The following CHST11 variants were observed in gnomAD, a reference collection of about 807,000 sequenced individuals.
The protein encoded by CHST11 is carbohydrate sulfotransferase 11.
CHST11 carries 9 observed loss-of-function variants against 30.4 expected under a neutral mutation model. The observed-to-expected ratio is 0.30, with a 90% confidence interval of 0.18 to 0.52. The LOEUF (loss-of-function observed/expected upper bound fraction) is 0.52, where lower values mean the gene tolerates loss of function less well. CHST11 is among the 20% of genes least tolerant of loss of function. The pLI is 0.97. For synonymous variants in CHST11, 152 were observed against 187.8 expected, an observed-to-expected ratio of 0.81 and a Z score of 1.56; for missense variants, 348 against 460.6, an observed-to-expected ratio of 0.76 and a Z score of 2.24.
At chr12:104,751,332 A>G (rs996007887) in intron 2 of CHST11, among the ~76,000 whole-genome samples, 8 of 152,330 alleles carry the variant, frequency 5.3e-5, no homozygotes, top group African/African-American at 1.9e-4. Context: ...AGTGATTCAA[A>G]TGGCAGAATT....
intron 1 of CHST11, among the ~76,000 whole-genome samples, chr12:104,571,903 A>C (rs919605813): frequency 2.0e-5 from 3 of 152,154 alleles, no homozygotes; most frequent in Admixed American, 1.3e-4. Flanking sequence ...TACCTAGTTT[A>C]TTGAGAGTTT....
chr12:104,641,101 C>T (rs1349162784), intron 2 of CHST11, among the ~76,000 whole-genome samples: 2 of 152,166 alleles, frequency 1.3e-5, no homozygotes, highest in Admixed American at 1.3e-4. Context: ...GACCACTGGA[C>T]TCCAGGGGAA....
chr12:104,537,722 G>A, intron 1 of CHST11, among the ~76,000 whole-genome samples: 1 of 86,916 alleles, frequency 1.2e-5, no homozygotes, highest in African/African-American at 3.8e-5. Flanking sequence ...TGGAGACAGG[G>A]TCTCACTCTG....
intron 2 of CHST11, among the ~76,000 whole-genome samples, chr12:104,679,063 T>C (rs2039769065): frequency 6.6e-6 from 1 of 152,148 alleles, no homozygotes; most frequent in Non-Finnish European, 1.5e-5. Context: ...CAGTAGACAT[T>C]AGCTGAATGA....
At chr12:104,573,864 T>C (rs1321987522) in intron 1 of CHST11, among the ~76,000 whole-genome samples, 1 of 152,150 alleles carries the variant, frequency 6.6e-6, no homozygotes, top group African/African-American at 2.4e-5. Flanking sequence ...ACAAATGGAA[T>C]CTAATGAAAC....
At chr12:104,461,635 A>G (rs550488512) in intron 1 of CHST11, among the ~76,000 whole-genome samples, 1 of 152,304 alleles carries the variant, frequency 6.6e-6, no homozygotes, top group African/African-American at 2.4e-5. Context: ...CAGAGGAGAA[A>G]GCCTTTTCTC....
At chr12:104,684,609 G>A (rs544605664) in intron 2 of CHST11, among the ~76,000 whole-genome samples, 15 of 152,308 alleles carry the variant, frequency 9.8e-5, no homozygotes, top group Non-Finnish European at 1.6e-4. Flanking sequence ...GTGCAGTAGC[G>A]CGATCTCAGC....
intron 1 of CHST11, among the ~76,000 whole-genome samples, chr12:104,507,972 G>T (rs1046693537): frequency 3.3e-5 from 5 of 152,172 alleles, no homozygotes; most frequent in South Asian, 2.1e-4. Context: ...TGGAATTGGG[G>T]TGTTTTTTGC....
intron 2 of CHST11, among the ~76,000 whole-genome samples, chr12:104,670,856 CCA>C (rs1566031633): frequency 6.6e-6 from 1 of 151,836 alleles, no homozygotes; most frequent in Non-Finnish European, 1.5e-5. Context: ...CACATACCCC[CCA>C]CACCTATACA....
chr12:104,650,409 G>A (rs1376497988), intron 2 of CHST11, among the ~76,000 whole-genome samples: 1 of 152,164 alleles, frequency 6.6e-6, no homozygotes, highest in Non-Finnish European at 1.5e-5. Flanking sequence ...AGAATTATCT[G>A]TTTATACCTC....
chr12:104,665,757 T>TG (rs1223169473), intron 2 of CHST11, among the ~76,000 whole-genome samples: 1 of 101,464 alleles, frequency 9.9e-6, no homozygotes, highest in African/African-American at 3.9e-5. Flanking sequence ...ATTTGTGGGG[T>TG]GGGGGGTGGG....
intron 1 of CHST11, among the ~76,000 whole-genome samples, chr12:104,566,793 G>C (rs925727706): frequency 3.3e-5 from 5 of 152,142 alleles, no homozygotes; most frequent in Non-Finnish European, 7.4e-5. Context: ...GTGTGAGTAC[G>C]GCAGACATCA....
At chr12:104,583,552 G>A (rs1013033752) in intron 1 of CHST11, among the ~76,000 whole-genome samples, 2 of 151,990 alleles carry the variant, frequency 1.3e-5, no homozygotes, top group South Asian at 2.1e-4. Context: ...CCCTGTCTGG[G>A]GCCTCCCCTA....
At chr12:104,713,233 C>A (rs2040102202) in intron 2 of CHST11, among the ~76,000 whole-genome samples, 1 of 152,088 alleles carries the variant, frequency 6.6e-6, no homozygotes, top group Admixed American at 6.5e-5. Context: ...TCCTCCGAAT[C>A]CAATAGGTAT....
At chr12:104,671,742 C>G (rs2039699077) in intron 2 of CHST11, among the ~76,000 whole-genome samples, 1 of 152,092 alleles carries the variant, frequency 6.6e-6, no homozygotes, top group Admixed American at 6.5e-5. Flanking sequence ...CTATCTTTCT[C>G]TCTCTTTTTC....
At chr12:104,460,260 C>T (rs908622687) in intron 1 of CHST11, among the ~76,000 whole-genome samples, 4 of 152,134 alleles carry the variant, frequency 2.6e-5, no homozygotes, top group Admixed American at 6.5e-5. Flanking sequence ...ATTTGGAGGC[C>T]TCTGGCAGGG....
intron 1 of CHST11, among the ~76,000 whole-genome samples, chr12:104,498,515 G>C (rs1283062437): frequency 1.3e-5 from 2 of 152,198 alleles, no homozygotes; most frequent in African/African-American, 2.4e-5. Flanking sequence ...AGAACAAAGG[G>C]ATGTGTACAG....
At chr12:104,503,534 A>G (rs2037872878) in intron 1 of CHST11, among the ~76,000 whole-genome samples, 1 of 152,226 alleles carries the variant, frequency 6.6e-6, no homozygotes, top group Non-Finnish European at 1.5e-5. Context: ...TGCTTAGAAC[A>G]GCTCCTGGCA....
At chr12:104,695,767 C>T (rs2039938628) in intron 2 of CHST11, among the ~76,000 whole-genome samples, 1 of 152,188 alleles carries the variant, frequency 6.6e-6, no homozygotes, top group South Asian at 2.1e-4. Flanking sequence ...CCCCAGCTCC[C>T]CCTTCACAGC....
Sources: allele counts gnomAD v4.1 joint callset (sites outside exome capture counted in the v4.1 genomes callset), GRCh38; gene constraint gnomAD v4.1.1; transcripts MANE v1.5; gene names NCBI Gene and HGNC (gene_info 2026-07-23, HGNC 2026-07-21).